The following TEX101 variants were observed in gnomAD, a reference collection of about 807,000 sequenced individuals.
The protein encoded by TEX101 is testis-expressed protein 101.
Under a neutral mutation model 18.1 loss-of-function variants are expected in TEX101, and 10 were observed. The ratio of observed to expected loss-of-function variants is 0.55; its 90% confidence interval spans 0.34 to 0.94. The LOEUF (loss-of-function observed/expected upper bound fraction) is 0.94. Ranked by LOEUF, TEX101 falls within the 40% of genes least tolerant of loss-of-function variation. The pLI, the probability that TEX101 is intolerant of heterozygous loss-of-function variation, is 0.02. For missense variants in TEX101, 259 were observed against 298.9 expected, an observed-to-expected ratio of 0.87 and a Z score of 0.98; for synonymous variants, 94 against 114.8, an observed-to-expected ratio of 0.82 and a Z score of 1.16.
At position 43,418,400 on chromosome 19, in the gene TEX101, A is replaced by AAAGTG; in HGVS notation, c.*3_*4insAAGTG. ...CATCATTTATTCACTTTTCCTAAGAAGGCACTTCTGGGCCTGGGTCTGAGG... is the reference window on the plus strand; with the variant it reads ...CATCATTTATTCACTTTTCCTAAGAAAAGTGGGCACTTCTGGGCCTGGGTCTGAGG... On this transcript the variant is annotated 3_prime_UTR_variant, in exon 6 of 6. Coordinates refer to ENST00000598265, the MANE Select transcript of TEX101 (RefSeq NM_001130011.3). 2 of 1,610,538 alleles carry AAAGTG rather than the reference A, an allele frequency of 1.2e-6. No individual in the cohort carries two copies. Among genetic ancestry groups the AAAGTG allele is most frequent in the South Asian group, 2.2e-5 (2 of 90,844 alleles).
intron 1 of TEX101, among the ~76,000 whole-genome samples, chr19:43,402,174 C>T (rs73041508): frequency 2.6e-5 from 4 of 152,344 alleles, no homozygotes; most frequent in Non-Finnish European, 5.9e-5. Context: ...TACAACTGAA[C>T]CAGTATGAAT....
the TEX101 span, among the ~76,000 whole-genome samples, chr19:43,393,343 G>A: frequency 6.6e-6 from 1 of 152,198 alleles, no homozygotes; most frequent in Admixed American, 6.5e-5. Context: ...AGGGGGCTGA[G>A]CGCACAGCCT....
upstream of TEX101, among the ~76,000 whole-genome samples, chr19:43,399,420 G>T (rs564719511): frequency 6.6e-6 from 1 of 152,006 alleles, no homozygotes; most frequent in African/African-American, 2.4e-5. Context: ...CAATGATGAT[G>T]ATCATTGCCT....
chr19:43,391,864 G>T, the TEX101 span, among the ~76,000 whole-genome samples: 1 of 152,306 alleles, frequency 6.6e-6, no homozygotes, highest in Non-Finnish European at 1.5e-5. Flanking sequence ...TGAGTGCATT[G>T]GTGAGAGGAT....
intron 1 of TEX101, 39 bp from the exon 2 acceptor site, chr19:43,415,842 G>T (rs774845357): frequency 1.9e-6 from 3 of 1,581,086 alleles, no homozygotes; most frequent in Non-Finnish European, 2.6e-6. Context: ...ATGCACTCTG[G>T]CTGAAAAGTT....
chr19:43,390,582 C>T, the TEX101 span, among the ~76,000 whole-genome samples: 11 of 149,600 alleles, frequency 7.4e-5, no homozygotes, highest in African/African-American at 2.7e-4. Flanking sequence ...ATTCTCCTGC[C>T]TCAGCCTCCT....
At chr19:43,413,553 C>A (rs1426590466), upstream of TEX101, among the ~76,000 whole-genome samples, 1 of 151,402 alleles carries the variant, frequency 6.6e-6, no homozygotes, top group East Asian at 2.0e-4. Context: ...TCTTAAGACG[C>A]AAGTCTGCTG....
Position 43,418,403 on chromosome 19 carries a change from C to A in TEX101, c.*6C>A. 6.2e-7 allele frequency: 1 copy of A among 1,609,004 alleles called. No homozygotes were observed. Among genetic ancestry groups the A allele is most frequent in the Non-Finnish European group, 8.5e-7 (1 of 1,176,204 alleles). On this transcript the variant is annotated 3_prime_UTR_variant, in exon 6 of 6. Transcript: ENST00000598265. Reference sequence around the variant, plus strand: ...CATTTATTCACTTTTCCTAAGAAGGCACTTCTGGGCCTGGGTCTGAGGACA... The same window carrying A: ...CATTTATTCACTTTTCCTAAGAAGGAACTTCTGGGCCTGGGTCTGAGGACA...
chr19:43,389,959 T>G, the TEX101 span, among the ~76,000 whole-genome samples: 1 of 152,198 alleles, frequency 6.6e-6, no homozygotes, highest in Non-Finnish European at 1.5e-5. Flanking sequence ...AGCCAGCTTC[T>G]TCTCTGTGGC....
chr19:43,395,227 T>C, the TEX101 span, among the ~76,000 whole-genome samples: 1 of 152,210 alleles, frequency 6.6e-6, no homozygotes, highest in African/African-American at 2.4e-5. Context: ...CTTTATCATC[T>C]GGGTAGAAAA....
chr19:43,400,901 CA>C (rs1352377001), upstream of TEX101, among the ~76,000 whole-genome samples: 1 of 151,994 alleles, frequency 6.6e-6, no homozygotes, highest in African/African-American at 2.4e-5. Flanking sequence ...CTGCTTCTTT[CA>C]AAAAGCATAG....
At chr19:43,415,486 G>T (rs899393932) in intron 1 of TEX101, among the ~76,000 whole-genome samples, 21 of 152,138 alleles carry the variant, frequency 1.4e-4, no homozygotes, top group Non-Finnish European at 7.3e-5. Context: ...GTGAGGCCGG[G>T]CATCAGGGCT....
the TEX101 span, among the ~76,000 whole-genome samples, chr19:43,389,563 AG>A: frequency 6.6e-6 from 1 of 151,644 alleles, no homozygotes; most frequent in Non-Finnish European, 1.5e-5. Flanking sequence ...GTGGCCTCCA[AG>A]CTGGCTTCAT....
the TEX101 span, among the ~76,000 whole-genome samples, chr19:43,393,753 G>A: frequency 2.0e-5 from 3 of 151,512 alleles, no homozygotes; most frequent in Admixed American, 1.3e-4. Context: ...GTGATATCAC[G>A]ATCATCTCCA....
At chr19:43,393,389 G>C in the TEX101 span, among the ~76,000 whole-genome samples, 1 of 152,144 alleles carries the variant, frequency 6.6e-6, no homozygotes, top group Non-Finnish European at 1.5e-5. Context: ...TTCGTGACTG[G>C]GTGTCCATGC....
At chr19:43,389,422 A>G in the TEX101 span, among the ~76,000 whole-genome samples, 1 of 152,194 alleles carries the variant, frequency 6.6e-6, no homozygotes, top group Non-Finnish European at 1.5e-5. Flanking sequence ...GATCGGGGAC[A>G]GAAGCTTCTG....
At chr19:43,395,856 T>G in the TEX101 span, among the ~76,000 whole-genome samples, 1 of 152,342 alleles carries the variant, frequency 6.6e-6, no homozygotes, top group East Asian at 1.9e-4. Context: ...CTGGTCAGCC[T>G]GGAGCAGCAG....
At chr19:43,406,680 A>G (rs982531171) in intron 3 of TEX101, among the ~76,000 whole-genome samples, 2 of 152,186 alleles carry the variant, frequency 1.3e-5, no homozygotes, top group African/African-American at 4.8e-5. Context: ...AGACTGGGAC[A>G]CACGTCTGAA....
At chr19:43,411,037 C>T (rs1389960797), upstream of TEX101, among the ~76,000 whole-genome samples, 1 of 151,708 alleles carries the variant, frequency 6.6e-6, no homozygotes, top group Non-Finnish European at 1.5e-5. Context: ...CCATGGCACC[C>T]AGCCTAGAAT....
Sources: allele counts gnomAD v4.1 joint callset (sites outside exome capture counted in the v4.1 genomes callset), GRCh38; gene constraint gnomAD v4.1.1; transcripts MANE v1.5; gene names NCBI Gene and HGNC (gene_info 2026-07-23, HGNC 2026-07-21).